The following HAT1 variants were observed in gnomAD, a reference collection of about 807,000 sequenced individuals.
HAT1 encodes the protein histone acetyltransferase type B catalytic subunit.
Under a neutral mutation model 56.6 loss-of-function variants are expected in HAT1, and 20 were observed. The observed-to-expected ratio is 0.35, with a 90% CI of 0.25 to 0.51. The LOEUF is 0.51. Ranked by LOEUF, HAT1 falls within the 20% of genes least tolerant of loss-of-function variation. The pLI, the probability that HAT1 is intolerant of heterozygous loss-of-function variation, is 0.95. For missense variants in HAT1, 408 were observed against 504.3 expected, an observed-to-expected ratio of 0.81 and a Z score of 1.83; for synonymous variants, 146 against 165.5, an observed-to-expected ratio of 0.88 and a Z score of 0.91.
chr2:171,946,664 TTTAG>T, intron 2 of HAT1, 40 bp from the exon 3 acceptor site: 1 of 1,096,002 alleles, frequency 9.1e-7, no homozygotes, highest in South Asian at 1.3e-5. Flanking sequence ...CTTCAATATC[TTTAG>T]TTATCTTTAA....
At chr2:171,946,827 A>G in intron 3 of HAT1, 44 bp downstream of exon 3, 1 of 858,762 alleles carries the variant, frequency 1.2e-6, no homozygotes, top group Non-Finnish European at 1.9e-6. Flanking sequence ...TATGGAAAAA[A>G]AAATTTTCAT....
chr2:171,950,116 A>AT lies in HAT1; in HGVS notation c.189-2763dup, dbSNP rs553879129. ...CTTCATGTCTTTTTTCCCCCCATGC[A>AT]TTATTTTAACATCATTGACATATTT... On this transcript the variant is annotated intron_variant, in intron 3 of 10. Transcript: ENST00000264108. Among the ~76,000 whole-genome samples the AT allele has an allele frequency of 4.5e-4, 69 of 152,162 alleles. 1 individual carries two copies. The South Asian group carries it at 0.014, about 31-fold the overall frequency.
At chr2:171,943,855 T>TA in intron 2 of HAT1, among the ~76,000 whole-genome samples, 1 of 151,310 alleles carries the variant, frequency 6.6e-6, no homozygotes, top group South Asian at 2.1e-4. Context: ...TTAATAGCTT[T>TA]AAAAAAAATT....
chr2:171,971,728 G>A (rs1032404264), intron 8 of HAT1, among the ~76,000 whole-genome samples: 3 of 152,090 alleles, frequency 2.0e-5, no homozygotes, highest in East Asian at 1.9e-4. Context: ...TTTTTAAAAC[G>A]ATAATGTCAA....
chr2:171,971,150 A>G (rs1687806612), intron 8 of HAT1, among the ~76,000 whole-genome samples: 1 of 152,178 alleles, frequency 6.6e-6, no homozygotes, highest in South Asian at 2.1e-4. Context: ...GTGAGCCAAG[A>G]TCGCGCCACT....
intron 2 of HAT1, among the ~76,000 whole-genome samples, chr2:171,934,812 A>G (rs976827983): frequency 1.3e-4 from 19 of 148,258 alleles, no homozygotes; most frequent in Admixed American, 2.0e-4. Context: ...CTGGAGTGCA[A>G]TGGCGCGATC....
At chr2:171,935,008 G>A (rs1007443421) in intron 2 of HAT1, among the ~76,000 whole-genome samples, 2 of 150,570 alleles carry the variant, frequency 1.3e-5, no homozygotes, top group Admixed American at 6.6e-5. Context: ...CATCTGCCTC[G>A]GCCTCCCAAA....
At chr2:171,934,465 G>T (rs1321878183) in intron 2 of HAT1, among the ~76,000 whole-genome samples, 1 of 152,214 alleles carries the variant, frequency 6.6e-6, no homozygotes, top group African/African-American at 2.4e-5. Flanking sequence ...AGAAGGTGTA[G>T]AGGAAGCATT....
At chr2:171,949,208 CTTTT>C (rs1208206164) in intron 3 of HAT1, among the ~76,000 whole-genome samples, 1 of 151,348 alleles carries the variant, frequency 6.6e-6, no homozygotes, top group African/African-American at 2.4e-5. Context: ...CTCAGGGATG[CTTTT>C]TTTTGTTTTT....
At chr2:171,937,041 G>T (rs2105309633) in intron 2 of HAT1, among the ~76,000 whole-genome samples, 1 of 150,954 alleles carries the variant, frequency 6.6e-6, no homozygotes, top group Non-Finnish European at 1.5e-5. Context: ...TGCAACCTCT[G>T]CCTCCCAGGC....
chr2:171,968,467 C>A (rs1687733358), intron 8 of HAT1, among the ~76,000 whole-genome samples: 1 of 152,046 alleles, frequency 6.6e-6, no homozygotes, highest in Non-Finnish European at 1.5e-5. Flanking sequence ...TCTACTCCAA[C>A]CAATAAAGTC....
intron 8 of HAT1, among the ~76,000 whole-genome samples, chr2:171,975,102 C>CTT (rs56657515): frequency 1.1e-4 from 14 of 130,932 alleles, no homozygotes; most frequent in African/African-American, 2.0e-4. Flanking sequence ...TATTTTCTTT[C>CTT]TTTTTTTTTT....
intron 8 of HAT1, among the ~76,000 whole-genome samples, chr2:171,975,007 G>C (rs1207237266): frequency 6.6e-6 from 1 of 152,016 alleles, no homozygotes; most frequent in Non-Finnish European, 1.5e-5. Flanking sequence ...ACATTCATGA[G>C]GGATATTGAT....
intron 2 of HAT1, among the ~76,000 whole-genome samples, chr2:171,942,129 T>A (rs1420253944): frequency 6.6e-6 from 1 of 152,214 alleles, no homozygotes; most frequent in Non-Finnish European, 1.5e-5. Context: ...GGTCTTGAAC[T>A]CCTGACCTCA....
chr2:171,955,468 G>A (rs543037290), intron 4 of HAT1, among the ~76,000 whole-genome samples: 3 of 151,660 alleles, frequency 2.0e-5, no homozygotes, highest in Admixed American at 6.6e-5. Context: ...AAAATTAGCC[G>A]GGCGTGGTGG....
intron 2 of HAT1, among the ~76,000 whole-genome samples, chr2:171,927,997 G>T (rs1686640359): frequency 6.6e-6 from 1 of 152,018 alleles, no homozygotes; most frequent in Non-Finnish European, 1.5e-5. Flanking sequence ...AGTGATTCTG[G>T]TGCCTCAGCC....
intron 5 of HAT1, 75 bp downstream of exon 5, chr2:171,965,592 AT>A (rs1687665697): frequency 9.3e-7 from 1 of 1,078,570 alleles, no homozygotes; most frequent in Admixed American, 2.3e-5. Flanking sequence ...GTTGTCAGTG[AT>A]TTATTCTAAC....
intron 2 of HAT1, among the ~76,000 whole-genome samples, chr2:171,928,797 C>T (rs868306659): frequency 3.3e-5 from 5 of 152,198 alleles, no homozygotes; most frequent in African/African-American, 4.8e-5. Flanking sequence ...CGTGAGCCAC[C>T]GTGCCCGGCA....
intron 2 of HAT1, among the ~76,000 whole-genome samples, chr2:171,944,535 C>T (rs987102525): frequency 6.6e-6 from 1 of 152,072 alleles, no homozygotes. Context: ...TTTTTTCCTA[C>T]CAAATGCAGA....
Sources: allele counts gnomAD v4.1 joint callset (sites outside exome capture counted in the v4.1 genomes callset), GRCh38; gene constraint gnomAD v4.1.1; transcripts MANE v1.5; gene names NCBI Gene and HGNC (gene_info 2026-07-23, HGNC 2026-07-21).